Variants in REPS1 observed in about 807,000 individuals in gnomAD.
REPS1 encodes RALBP1 associated Eps domain containing 1.
REPS1 carries 39 observed loss-of-function variants against 100.9 expected under a neutral mutation model. The observed-to-expected ratio is 0.39, with a 90% confidence interval of 0.30 to 0.50. The LOEUF (loss-of-function observed/expected upper bound fraction) is 0.50, where lower values mean the gene tolerates loss of function less well. REPS1 is among the 20% of genes least tolerant of loss of function. The pLI, the probability that REPS1 is intolerant of heterozygous loss-of-function variation, is 0.86. For missense variants in REPS1, 821 were observed against 968.5 expected (o/e 0.85, Z 2.02); for synonymous variants, 324 against 340.3 (o/e 0.95, Z 0.53).
chr6:138,916,226 T>C (rs867542323), intron 13 of REPS1: 3,315 of 311,310 alleles, frequency 0.011, 99 homozygotes, highest in African/African-American at 0.073. Flanking sequence ...TTCTTTTTTT[T>C]TTTTTTTTTT....
At chr6:138,979,500 C>G (rs1784813208) in intron 1 of REPS1, among the ~76,000 whole-genome samples, 1 of 152,092 alleles carries the variant, frequency 6.6e-6, no homozygotes, top group Non-Finnish European at 1.5e-5. Context: ...TCAAATCACT[C>G]AAATCTGGCA....
chr6:138,920,129 G>A, intron 12 of REPS1, 86 bp downstream of exon 12: 1 of 751,628 alleles, frequency 1.3e-6, no homozygotes, highest in Non-Finnish European at 2.4e-6. Flanking sequence ...AGTGAAGACG[G>A]TATTAAATGC....
At chr6:138,984,382 C>T (rs1785138134) in intron 1 of REPS1, among the ~76,000 whole-genome samples, 1 of 152,116 alleles carries the variant, frequency 6.6e-6, no homozygotes, top group Admixed American at 6.5e-5. Flanking sequence ...TGTGCCCGGC[C>T]CATATCTGAT....
chr6:138,907,313 AGTGTGTGTGTG>A (rs1398916469), intron 19 of REPS1, 171 bp downstream of exon 19: 12 of 132,592 alleles, frequency 9.1e-5, no homozygotes, highest in South Asian at 3.9e-4. Flanking sequence ...AAAAAAAAAA[AGTGTGTGTGTG>A]TGTGTGTGTG....
At chr6:138,986,534 C>T (rs11155022) in intron 1 of REPS1, among the ~76,000 whole-genome samples, 2,621 of 152,274 alleles carry the variant, frequency 0.017, 32 homozygotes, top group Non-Finnish European at 0.028. Flanking sequence ...GGTCAAGGAC[C>T]CAGCCTTCAA....
Position 138,927,319 on chromosome 6 carries a change from T to C in REPS1, c.1258-838A>G, listed in dbSNP as rs1781201890. On this transcript the variant is annotated intron_variant, in intron 9 of 19. Coordinates refer to ENST00000450536, the MANE Select transcript of REPS1 (RefSeq NM_001286611.2). Reference sequence around the variant, plus strand: ...AAAAAATCATACCTCTTAAAACAGGTGGAGTGATAAGTCAATATTAATTAC... The same window carrying C: ...AAAAAATCATACCTCTTAAAACAGGCGGAGTGATAAGTCAATATTAATTAC... 2.0e-5 allele frequency: 3 copies of C among 152,162 alleles called. No individual in the cohort carries two copies. In the South Asian group the frequency reaches 6.2e-4, roughly 32 times the overall value. 9.4% of individuals were successfully genotyped at this position (152,162 alleles called of 1,614,324 possible).
In REPS1 at chr6:138,945,609, A is replaced by G; in HGVS notation, c.366T>C (p.Asn122=). 6.2e-7 allele frequency: 1 copy of G among 1,613,590 alleles called. No individual in the cohort carries two copies. The highest frequency in any genetic ancestry group is 8.5e-7 in the Non-Finnish European group (1 of 1,179,848). Residue 122 remains asparagine, a synonymous_variant, in exon 3 of 20, where the codon AAT becomes AAC. Coordinates refer to ENST00000450536, the MANE Select transcript of REPS1 (RefSeq NM_001286611.2). ...GAATTACACCAGAATACGACCCTTG[A>G]TTTTCAGAATCTGAAGAATATGAGG... The part of the protein sequence containing the change: ...HAASYSSDSE[N]QGSYSGVIPP...
chr6:138,939,790 A>G (rs773984168), intron 8 of REPS1, among the ~76,000 whole-genome samples: 3 of 152,248 alleles, frequency 2.0e-5, no homozygotes, highest in Admixed American at 6.5e-5. Context: ...GGTAAATTAA[A>G]GTACTTTGAA....
intron 1 of REPS1, among the ~76,000 whole-genome samples, chr6:138,976,355 C>T (rs1166522369): frequency 6.6e-6 from 1 of 152,002 alleles, no homozygotes; most frequent in African/African-American, 2.4e-5. Flanking sequence ...GGATTGGGAC[C>T]AAGATCTAGC....
intron 1 of REPS1, among the ~76,000 whole-genome samples, chr6:138,949,185 T>C (rs1008527095): frequency 6.6e-6 from 1 of 152,188 alleles, no homozygotes; most frequent in African/African-American, 2.4e-5. Context: ...GCCAGGTATA[T>C]GCTAGACAGA....
chr6:138,928,481 G>C (rs1781281211), intron 9 of REPS1: 1 of 150,568 alleles, frequency 6.6e-6, no homozygotes, highest in African/African-American at 2.4e-5. Flanking sequence ...TTAACATTTT[G>C]ATTTTTCACA....
chr6:138,961,750 C>T (rs1034887219), intron 1 of REPS1, among the ~76,000 whole-genome samples: 5 of 152,152 alleles, frequency 3.3e-5, no homozygotes, highest in Non-Finnish European at 5.9e-5. Context: ...AATGTTATTA[C>T]AGAGTAAAAA....
At chr6:138,983,907 C>A (rs552834747) in intron 1 of REPS1, among the ~76,000 whole-genome samples, 1 of 152,250 alleles carries the variant, frequency 6.6e-6, no homozygotes, top group East Asian at 1.9e-4. Context: ...ATGTCTGAAA[C>A]CAAACTCATC....
At chr6:138,943,395 G>A (rs1782391508) in intron 7 of REPS1, 118 bp downstream of exon 7, 1 of 586,730 alleles carries the variant, frequency 1.7e-6, no homozygotes, top group Non-Finnish European at 3.0e-6. Flanking sequence ...GCAATACTGA[G>A]TTCTTTGACA....
intron 1 of REPS1, among the ~76,000 whole-genome samples, chr6:138,966,249 A>G (rs1784016290): frequency 6.6e-6 from 1 of 152,166 alleles, no homozygotes; most frequent in South Asian, 2.1e-4. Context: ...AGAGTTAAGC[A>G]TGATATAATT....
At position 138,926,762 on chromosome 6, in the gene REPS1, A is replaced by T. The variant is rs999856096; in HGVS notation, c.1258-281T>A. On this transcript the variant is annotated intron_variant, in intron 9 of 19. Coordinates refer to ENST00000450536, the MANE Select transcript of REPS1 (RefSeq NM_001286611.2). The stretch of plus-strand genomic sequence containing the variant: ...ACAGAGTTAAAATAAAACACAATAC[A>T]GGAGCAAAGTCTAAGTGATATAAAT... 4 of 274,344 alleles carry T rather than the reference A, an allele frequency of 1.5e-5. No individual in the cohort carries two copies. In the Admixed American group the frequency reaches 2.0e-4, roughly 14 times the overall value. 17.0% of individuals were successfully genotyped at this position (274,344 alleles called of 1,614,324 possible). A position where few individuals can be genotyped will look rare whatever the true frequency, so the allele number is the denominator to read the frequency against.
chr6:138,948,733 T>C (rs76084951), intron 1 of REPS1, among the ~76,000 whole-genome samples: 3,280 of 152,298 alleles, frequency 0.022, 127 homozygotes, highest in African/African-American at 0.075. Context: ...CACAAACTTT[T>C]GTATAGAGAG....
intron 9 of REPS1, chr6:138,928,372 C>T (rs1781273647): frequency 6.6e-6 from 1 of 152,106 alleles, no homozygotes; most frequent in Admixed American, 6.5e-5. Context: ...TGAAAGATTA[C>T]TAGTGCTTTC....
intron 8 of REPS1, among the ~76,000 whole-genome samples, chr6:138,937,338 C>T (rs369451624): frequency 4.6e-5 from 7 of 152,066 alleles, no homozygotes; most frequent in East Asian, 3.8e-4. Context: ...AGTATGATTG[C>T]GTCTGTATAA....
Sources: allele counts gnomAD v4.1 joint callset (sites outside exome capture counted in the v4.1 genomes callset), GRCh38; gene constraint gnomAD v4.1.1; transcripts MANE v1.5; gene names NCBI Gene and HGNC (gene_info 2026-07-23, HGNC 2026-07-21).